The following ADAM12 variants were observed in gnomAD, a reference collection of about 807,000 sequenced individuals.
ADAM12 encodes disintegrin and metalloproteinase domain-containing protein 12.
A neutral mutation model predicts 106.4 loss-of-function variants in ADAM12; 70 were observed. That is an observed-to-expected ratio of 0.66 (90% CI 0.54 to 0.80). The LOEUF (loss-of-function observed/expected upper bound fraction) is 0.80. ADAM12 is among the 30% of genes least tolerant of loss of function. The probability of loss-of-function intolerance (pLI) is 0.00; values close to 1 mark genes in which losing one functional copy is unlikely to be tolerated. For synonymous variants in ADAM12, 420 were observed against 433.5 expected, an observed-to-expected ratio of 0.97 and a Z score of 0.39; for missense variants, 1,010 against 1,171.9, an observed-to-expected ratio of 0.86 and a Z score of 2.02.
At chr10:126,227,019 GAT>G (rs1958209402) in intron 3 of ADAM12, among the ~76,000 whole-genome samples, 1 of 152,098 alleles carries the variant, frequency 6.6e-6, no homozygotes, top group Non-Finnish European at 1.5e-5. Flanking sequence ...TTTCTATGAA[GAT>G]AAGTGTTTCC....
At chr10:126,225,566 G>A (rs577842561) in intron 3 of ADAM12, among the ~76,000 whole-genome samples, 1 of 152,302 alleles carries the variant, frequency 6.6e-6, no homozygotes, top group South Asian at 2.1e-4. Flanking sequence ...AGGTGTGCGT[G>A]TGTTCATGCT....
chr10:126,320,894 C>T (rs552321743), intron 2 of ADAM12, among the ~76,000 whole-genome samples: 1 of 152,270 alleles, frequency 6.6e-6, no homozygotes, highest in East Asian at 1.9e-4. Context: ...TATAAAAATT[C>T]TCTGTAATGT....
intron 3 of ADAM12, among the ~76,000 whole-genome samples, chr10:126,275,276 G>C (rs1307128241): frequency 6.6e-6 from 1 of 152,178 alleles, no homozygotes; most frequent in Non-Finnish European, 1.5e-5. Flanking sequence ...GGGATGGCCT[G>C]AGAGTCCACA....
chr10:126,325,732 G>A (rs967446287), intron 2 of ADAM12, among the ~76,000 whole-genome samples: 7 of 152,146 alleles, frequency 4.6e-5, no homozygotes, highest in African/African-American at 1.7e-4. Context: ...CGCTGGTTCC[G>A]CGGTTAATTT....
intron 3 of ADAM12, among the ~76,000 whole-genome samples, chr10:126,165,075 C>T (rs933960083): frequency 7.9e-5 from 12 of 152,186 alleles, no homozygotes; most frequent in Non-Finnish European, 1.6e-4. Flanking sequence ...AGCAAAGCAT[C>T]GCGGCCACCA....
intron 14 of ADAM12, among the ~76,000 whole-genome samples, chr10:126,050,490 TG>T (rs1287642108): frequency 3.3e-5 from 5 of 152,230 alleles, no homozygotes; most frequent in Non-Finnish European, 7.3e-5. Context: ...CCCTGCGGCG[TG>T]GTCCCTTTTC....
chr10:126,071,797 A>T, intron 11 of ADAM12, 143 bp from the exon 12 acceptor site: 1 of 831,178 alleles, frequency 1.2e-6, no homozygotes, highest in Non-Finnish European at 1.9e-6. Context: ...ATATCAAAAA[A>T]CTCAGATATG....
chr10:126,287,732 C>T (rs1236055038), intron 2 of ADAM12, among the ~76,000 whole-genome samples: 2 of 152,068 alleles, frequency 1.3e-5, no homozygotes, highest in Non-Finnish European at 2.9e-5. Flanking sequence ...CTGGCCTGGA[C>T]ATCACCACCT....
At chr10:126,372,837 T>C (rs893435787) in intron 1 of ADAM12, among the ~76,000 whole-genome samples, 1 of 152,148 alleles carries the variant, frequency 6.6e-6, no homozygotes, top group African/African-American at 2.4e-5. Context: ...AGGATGATAA[T>C]CACCTTTTTA....
At chr10:126,329,717 A>G (rs1417754797) in intron 2 of ADAM12, among the ~76,000 whole-genome samples, 2 of 152,206 alleles carry the variant, frequency 1.3e-5, no homozygotes, top group Non-Finnish European at 2.9e-5. Flanking sequence ...CACAATCTCA[A>G]CTGCTCTTCA....
rs112292687 is a variant in ADAM12, at chr10:126,248,768, C to T, written c.260+30147G>A. 7.4e-3 allele frequency among the ~76,000 whole-genome samples: 1,119 copies of T among 151,952 alleles called. 16 individuals are homozygous for T. Among genetic ancestry groups the T allele is most frequent in the African/African-American group, 0.026 (1,070 of 41,428 alleles). ...TCGCCCAGGCTGAAGTGCAGTGGTG[C>T]GACCTTGGCTCACTGTAACCTCCGC... On this transcript the variant is annotated intron_variant, in intron 3 of 22. Transcript: ENST00000448723.
chr10:126,155,404 C>CTTTT lies in ADAM12; in HGVS notation c.261-103_261-100dup. 6.2e-6 allele frequency: 5 copies of CTTTT among 807,488 alleles called. No homozygotes were observed. In the African/African-American group the frequency reaches 7.4e-5, roughly 12 times the overall value. The allele number at this position is 807,488 out of a possible 1,614,324, so 50.0% of individuals were successfully genotyped here. A position where few individuals can be genotyped will look rare whatever the true frequency, so the allele number is the denominator to read the frequency against. ...TATAGGGTAGCAAGATTGTGACCTCCTTTTTTTTTTTTTAACAGATAATCC... is the reference window on the plus strand; with the variant it reads ...TATAGGGTAGCAAGATTGTGACCTCCTTTTTTTTTTTTTTTTTAACAGATAATCC... On this transcript the variant is annotated intron_variant, in intron 3 of 22. Coordinates refer to ENST00000448723, the MANE Select transcript of ADAM12 (RefSeq NM_001288973.2).
chr10:126,030,320 A>G (rs1484578239), intron 21 of ADAM12, among the ~76,000 whole-genome samples: 1 of 152,082 alleles, frequency 6.6e-6, no homozygotes, highest in Non-Finnish European at 1.5e-5. Flanking sequence ...AATTTCCATA[A>G]TCTCTCCTAG....
intron 1 of ADAM12, among the ~76,000 whole-genome samples, chr10:126,377,903 G>T (rs548005094): frequency 6.6e-6 from 1 of 152,090 alleles, no homozygotes; most frequent in South Asian, 2.1e-4. Context: ...TTCTAAAAGC[G>T]AAAAGCAAAA....
At chr10:126,217,009 G>T (rs1232134602) in intron 3 of ADAM12, among the ~76,000 whole-genome samples, 1 of 152,056 alleles carries the variant, frequency 6.6e-6, no homozygotes, top group Non-Finnish European at 1.5e-5. Context: ...CTGTTTTCTT[G>T]GTGCTCATCT....
chr10:126,387,602 C>A (rs1438646153), intron 1 of ADAM12, among the ~76,000 whole-genome samples: 1 of 151,974 alleles, frequency 6.6e-6, no homozygotes, highest in African/African-American at 2.4e-5. Context: ...CCGCTGCGCG[C>A]CCCCCTAAGT....
chr10:126,199,253 C>G (rs564813698), intron 3 of ADAM12, among the ~76,000 whole-genome samples: 107 of 152,334 alleles, frequency 7.0e-4, no homozygotes, highest in Admixed American at 1.1e-3. Flanking sequence ...TGGACAATGA[C>G]AGGAGGATGA....
intron 3 of ADAM12, among the ~76,000 whole-genome samples, chr10:126,177,319 T>G (rs964151810): frequency 6.6e-6 from 1 of 151,634 alleles, no homozygotes; most frequent in African/African-American, 2.4e-5. Context: ...GAAACACTGA[T>G]AATTACAGAA....
At chr10:126,124,663 C>G (rs557859375) in intron 5 of ADAM12, among the ~76,000 whole-genome samples, 61 of 151,940 alleles carry the variant, frequency 4.0e-4, no homozygotes, top group Admixed American at 8.5e-4. Flanking sequence ...GAGGCTGAGA[C>G]TGGCAGATCA....
Sources: allele counts gnomAD v4.1 joint callset (sites outside exome capture counted in the v4.1 genomes callset), GRCh38; gene constraint gnomAD v4.1.1; transcripts MANE v1.5; gene names NCBI Gene and HGNC (gene_info 2026-07-23, HGNC 2026-07-21).